Variants in PPM1M observed in about 807,000 individuals in gnomAD.
The protein encoded by PPM1M is protein phosphatase 1M.
Under a neutral mutation model 50.8 loss-of-function variants are expected in PPM1M, and 44 were observed. That is an observed-to-expected ratio of 0.87 (90% CI 0.68 to 1.11). The LOEUF (loss-of-function observed/expected upper bound fraction) is 1.11. PPM1M is among the 50% of genes most tolerant of loss of function. PPM1M has a pLI of 0.00. For synonymous variants in PPM1M, 224 were observed against 242.9 expected (o/e 0.92, Z 0.72); for missense variants, 556 against 593.4 (o/e 0.94, Z 0.66).
At position 52,247,111 on chromosome 3, in the gene PPM1M, C is replaced by A; in HGVS notation, c.480C>A (p.Pro160=). 6.2e-7 allele frequency: 1 copy of A among 1,604,274 alleles called. No individual in the cohort carries two copies. Among genetic ancestry groups the A allele is most frequent in the East Asian group, 2.2e-5 (1 of 44,474 alleles). ...TGGAAGGCTTGGTGGCCACTCAGCC[C>A]CCCATGCACCTCAATGGCCGCTGCA... ...AVVEGLVATQ[P]PMHLNGRCIC... The change falls in exon 3 of 10, where the codon CCC becomes CCA. Residue 160 remains proline (P), a synonymous_variant. Coordinates refer to ENST00000323588, the MANE Select transcript of PPM1M (RefSeq NM_144641.4).
intron 9 of PPM1M, 126 bp from the exon 10 acceptor site, chr3:52,249,544 C>T: frequency 7.0e-7 from 1 of 1,425,018 alleles, no homozygotes; most frequent in Non-Finnish European, 9.6e-7. Context: ...TTGCTGCTTG[C>T]TTGGTCCACA....
intron 4 of PPM1M, 83 bp from the exon 5 acceptor site, chr3:52,248,070 T>C (rs1577996363): frequency 1.2e-5 from 14 of 1,183,470 alleles, no homozygotes; most frequent in East Asian, 2.5e-5. Flanking sequence ...ATCCTGGTGG[T>C]TGGAGGAGGG....
Position 52,248,340 on chromosome 3 carries a change from T to C in PPM1M, c.801T>C (p.Phe267=). ...TERQRIQQLA[F]VYPELLAGEF... ...GCGCAGCCTCCCCACCCCAGGCCTT[T>C]GTCTATCCTGAGCTTCTGGCTGGTG... The change falls in exon 6 of 10, where the codon TTT becomes TTC. Residue 267 remains phenylalanine (F), a synonymous_variant. Transcript: ENST00000323588. The C allele has an allele frequency of 6.2e-7, 1 of 1,612,062 alleles. No individual in the cohort carries two copies. The highest frequency in any genetic ancestry group is 8.5e-7 in the Non-Finnish European group (1 of 1,179,066).
rs369026505 is a variant in PPM1M, at chr3:52,247,800, T to G, written c.710+6T>G. The G allele has an allele frequency of 3.2e-6, 2 of 633,798 alleles. No homozygotes were observed. The highest frequency in any genetic ancestry group is 5.5e-6 in the Non-Finnish European group (2 of 364,372). The allele number at this position is 633,798 out of a possible 1,614,324, so 39.3% of individuals were successfully genotyped here. A position where few individuals can be genotyped will look rare whatever the true frequency, so the allele number is the denominator to read the frequency against. On this transcript the variant is annotated splice_donor_region_variant and intron_variant, in intron 4 of 9. Coordinates refer to ENST00000323588, the MANE Select transcript of PPM1M (RefSeq NM_144641.4). ...GCCAATGCTGGGGATAGCAGGTGAG[T>G]CACCCCTTGGAGGGTGGGCAAGGGT...
rs574997875 is a variant in PPM1M at position 52,250,093 on chromosome 3, G to T, written c.*279G>T. The stretch of plus-strand genomic sequence containing the variant: ...AACTTAACTAGGAAACCCATGTGAG[G>T]CTCCTCAGACAGGATCTTGAACAGC... On this transcript the variant is annotated 3_prime_UTR_variant, in exon 10 of 10. Coordinates refer to ENST00000323588, the MANE Select transcript of PPM1M (RefSeq NM_144641.4). 15 of 392,484 alleles carry T rather than the reference G, an allele frequency of 3.8e-5. No homozygotes were observed. Among genetic ancestry groups the T allele is most frequent in the South Asian group, 7.6e-5 (2 of 26,154 alleles). The allele number at this position is 392,484 out of a possible 1,614,324, so 24.3% of individuals were successfully genotyped here.
intron 7 of PPM1M, 34 bp from the exon 8 acceptor site, chr3:52,248,922 G>C: frequency 6.5e-7 from 1 of 1,533,010 alleles, no homozygotes. Flanking sequence ...TGCTGGAGCT[G>C]TTTGCCATCG....
rs1699918445 is a variant in PPM1M at position 52,249,193 on chromosome 3, A to G, written c.1106A>G (p.Asp369Gly). ...SVPQVTVLDV[D>G]QLELQEDDVV... is the part of the protein sequence containing the mutation. ...TTGTAGGTGACTGTGCTGGATGTGGACCAGCTGGAGCTACAGGAGGATGAT... is the reference window on the plus strand; with the variant it reads ...TTGTAGGTGACTGTGCTGGATGTGGGCCAGCTGGAGCTACAGGAGGATGAT... The change falls in exon 9 of 10, where the codon GAC becomes GGC. Residue 369 changes from aspartate to glycine, a missense_variant. Physicochemically the swap from Asp to Gly is moderately conservative, Grantham distance 94 (BLOSUM62 -1). Coordinates refer to ENST00000323588, the MANE Select transcript of PPM1M (RefSeq NM_144641.4). The G allele has an allele frequency of 9.3e-6, 15 of 1,613,826 alleles. No homozygotes were observed. Among genetic ancestry groups the G allele is most frequent in the Non-Finnish European group, 1.2e-5 (14 of 1,179,792 alleles).
At position 52,250,087 on chromosome 3, in the gene PPM1M, T is replaced by C. The variant is rs1699938450; in HGVS notation, c.*273T>C. On this transcript the variant is annotated 3_prime_UTR_variant, in exon 10 of 10. Transcript: ENST00000323588. Reference sequence around the variant, plus strand: ...CTTTACAACTTAACTAGGAAACCCATGTGAGGCTCCTCAGACAGGATCTTG... The same window carrying C: ...CTTTACAACTTAACTAGGAAACCCACGTGAGGCTCCTCAGACAGGATCTTG... The C allele has an allele frequency of 7.4e-6, 3 of 402,766 alleles. No individual in the cohort carries two copies. The highest frequency in any genetic ancestry group is 2.0e-5 in the African/African-American group (1 of 50,806). The allele number at this position is 402,766 out of a possible 1,614,324, so 24.9% of individuals were successfully genotyped here.
Position 52,249,174 on chromosome 3 carries a change from G to C in PPM1M, c.1087G>C (p.Val363Leu). ...CAGGATCCTCAGGCTTAATTTGTAGGTGACTGTGCTGGATGTGGACCAGCT... is the reference window on the plus strand; with the variant it reads ...CAGGATCCTCAGGCTTAATTTGTAGCTGACTGTGCTGGATGTGGACCAGCT... ...LKPFLLSVPQ[V>L]TVLDVDQLEL... The change falls in exon 9 of 10, where the codon GTG becomes CTG. Residue 363 changes from valine to leucine, a missense_variant and splice_region_variant. Physicochemically the swap from Val to Leu is conservative, Grantham distance 32. Coordinates refer to ENST00000323588, the MANE Select transcript of PPM1M (RefSeq NM_144641.4). 6.2e-7 allele frequency: 1 copy of C among 1,613,958 alleles called. No individual in the cohort carries two copies. Among genetic ancestry groups the C allele is most frequent in the African/African-American group, 1.3e-5 (1 of 75,050 alleles).
At position 52,246,011 on chromosome 3, in the gene PPM1M, C is replaced by G. The variant is rs1559446069; in HGVS notation, c.187C>G (p.Arg63Gly). 5.7e-6 allele frequency: 7 copies of G among 1,229,550 alleles called. No individual in the cohort carries two copies. Among genetic ancestry groups the G allele is most frequent in the African/African-American group, 1.6e-5 (1 of 60,862 alleles). 76.2% of individuals were successfully genotyped at this position (1,229,550 alleles called of 1,614,324 possible). A position where few individuals can be genotyped will look rare whatever the true frequency, so the allele number is the denominator to read the frequency against. ...CTCCCGGCCCGTGCGCAGCCCCGCA[C>G]GAGGACGCACGCTACCCTGGAATGC... ...PDSRPVRSPA[R>G]GRTLPWNAGY... The change falls in exon 1 of 10, where the codon CGA becomes GGA. Residue 63 changes from arginine (R) to glycine (G), a missense_variant. Arg to Gly is a moderately radical substitution (Grantham distance 125). Coordinates refer to ENST00000323588, the MANE Select transcript of PPM1M (RefSeq NM_144641.4).
chr3:52,246,726 G>A lies in PPM1M; in HGVS notation c.256G>A (p.Glu86Lys), dbSNP rs1422970146. ...CAATGCAGAGAAATCTGAATTCAATGAGGATCAAGCCGCCTGTGGGAAGCT... is the reference window on the plus strand; with the variant it reads ...CAATGCAGAGAAATCTGAATTCAATAAGGATCAAGCCGCCTGTGGGAAGCT... ...IINAEKSEFN[E>K]DQAACGKLCI... The change falls in exon 2 of 10, where the codon GAG becomes AAG. Residue 86 changes from glutamate to lysine, a missense_variant. Physicochemically the swap from Glu to Lys is moderately conservative, Grantham distance 56. Transcript: ENST00000323588. The A allele has an allele frequency of 7.6e-7, 1 of 1,315,968 alleles. No individual in the cohort carries two copies. The highest frequency in any genetic ancestry group is 1.0e-6 in the Non-Finnish European group (1 of 996,820). 81.5% of individuals were successfully genotyped at this position (1,315,968 alleles called of 1,614,324 possible).
At chr3:52,246,476 GGTA>G in intron 1 of PPM1M, 1 of 672,562 alleles carries the variant, frequency 1.5e-6, no homozygotes, top group Non-Finnish European at 2.1e-6. Context: ...TGGGTCACCA[GGTA>G]GGCTCCAGAG....
At chr3:52,249,566 T>C in intron 9 of PPM1M, 104 bp from the exon 10 acceptor site, 4 of 1,525,772 alleles carry the variant, frequency 2.6e-6, no homozygotes, top group Non-Finnish European at 3.6e-6. Flanking sequence ...TCGGACTGCA[T>C]TGCTTGGGTC....
chr3:52,249,550 C>A, intron 9 of PPM1M, 120 bp from the exon 10 acceptor site: 1 of 1,451,498 alleles, frequency 6.9e-7, no homozygotes, highest in Non-Finnish European at 9.4e-7. Flanking sequence ...CTTGCTTGGT[C>A]CACAGTCGGA....
At chr3:52,249,522 G>A in intron 9 of PPM1M, 148 bp from the exon 10 acceptor site, 2 of 1,304,300 alleles carry the variant, frequency 1.5e-6, no homozygotes, top group Non-Finnish European at 2.1e-6. Flanking sequence ...CCAGCCCGTG[G>A]CCCTCCCAGA....
intron 9 of PPM1M, 61 bp from the exon 10 acceptor site, chr3:52,249,609 A>G (rs1559449035): frequency 6.2e-7 from 1 of 1,603,226 alleles, no homozygotes; most frequent in East Asian, 2.2e-5. Context: ...GAGTTCTCCT[A>G]AGGTCTGGCC....
rs1205487315 is a variant in PPM1M, at chr3:52,249,823, A to G, written c.*9A>G. The stretch of plus-strand genomic sequence containing the variant: ...AGAGCAGTGACCACTGAGGATTCAG[A>G]CACTGTATCCCAGAACTGCTCTAGT... On this transcript the variant is annotated 3_prime_UTR_variant, in exon 10 of 10. Coordinates refer to ENST00000323588, the MANE Select transcript of PPM1M (RefSeq NM_144641.4). 1.2e-6 allele frequency: 2 copies of G among 1,610,602 alleles called. No individual in the cohort carries two copies. The highest frequency in any genetic ancestry group is 1.7e-6 in the Non-Finnish European group (2 of 1,178,276).
rs748157846 is a variant in PPM1M, at chr3:52,249,217, A to C, written c.1130A>C (p.Asp377Ala). 2 of 1,613,952 alleles carry C rather than the reference A, an allele frequency of 1.2e-6. No individual in the cohort carries two copies. Among genetic ancestry groups the C allele is most frequent in the Admixed American group, 1.7e-5 (1 of 60,010 alleles). The change falls in exon 9 of 10, where the codon GAT becomes GCT. Residue 377 changes from aspartate to alanine, a missense_variant. Transcript: ENST00000323588. Reference sequence around the variant, plus strand: ...GACCAGCTGGAGCTACAGGAGGATGATGTGGTTGTCATGGCAACTGATGGA... The same window carrying C: ...GACCAGCTGGAGCTACAGGAGGATGCTGTGGTTGTCATGGCAACTGATGGA... ...DVDQLELQED[D>A]VVVMATDGLW...
Position 52,245,908 on chromosome 3 carries a change from C to A in PPM1M, c.84C>A (p.Pro28=). Reference sequence around the variant, plus strand: ...GGCCGCCTGGGCCGCATGCCAGCCCCGTGCCCTACCGACGGCCCCGCTTCC... The same window carrying A: ...GGCCGCCTGGGCCGCATGCCAGCCCAGTGCCCTACCGACGGCCCCGCTTCC... The part of the protein sequence containing the change: ...APRPPGPHAS[P]VPYRRPRFLR... Residue 28 remains proline, a synonymous_variant, in exon 1 of 10, where the codon CCC becomes CCA. Transcript: ENST00000323588. This position sits in a 1 kb window ranked among gnomAD's most constrained non-coding sequence, Gnocchi z 4.8. 1 of 1,227,302 alleles carries A rather than the reference C, an allele frequency of 8.1e-7. No homozygotes were observed. The highest frequency in any genetic ancestry group is 1.3e-5 in the South Asian group (1 of 74,206). The allele number at this position is 1,227,302 out of a possible 1,614,324, so 76.0% of individuals were successfully genotyped here.
Sources: gnomAD v4.1 joint callset for allele counts on GRCh38, gnomAD v4.1.1 for gene constraint, Gnocchi (gnomAD v3.1) non-coding constraint, MANE v1.5 for transcripts, NCBI Gene and HGNC (gene_info 2026-07-23, HGNC 2026-07-21) for gene names.